The following BMP2K variants were observed in gnomAD, a reference collection of about 807,000 sequenced individuals.
The protein encoded by BMP2K is BMP-2-inducible protein kinase.
A neutral mutation model predicts 116.0 loss-of-function variants in BMP2K; 74 were observed. The ratio of observed to expected loss-of-function variants is 0.64; its 90% CI spans 0.53 to 0.77. The LOEUF is 0.77. Among genes scored for constraint, BMP2K ranks in the 30% least tolerant of loss-of-function variants. The probability of loss-of-function intolerance (pLI) is 0.00; values close to 1 mark genes in which losing one functional copy is unlikely to be tolerated. For missense variants in BMP2K, 1,365 were observed against 1,403.6 expected, an observed-to-expected ratio of 0.97 and a Z score of 0.44; for synonymous variants, 486 against 502.5, an observed-to-expected ratio of 0.97 and a Z score of 0.44.
intron 15 of BMP2K, among the ~76,000 whole-genome samples, chr4:78,889,840 C>T (rs1311524677): frequency 6.6e-6 from 1 of 152,102 alleles, no homozygotes; most frequent in Admixed American, 6.5e-5. Context: ...TTTAGTAAAC[C>T]ATATAGAGAA....
chr4:78,776,716 C>T lies in BMP2K; in HGVS notation c.173C>T (p.Ala58Val), dbSNP rs149914551. 7.9e-7 allele frequency: 1 copy of T among 1,267,250 alleles called. No individual in the cohort carries two copies. 78.5% of individuals were successfully genotyped at this position (1,267,250 alleles called of 1,614,324 possible). A position where few individuals can be genotyped will look rare whatever the true frequency, so the allele number is the denominator to read the frequency against. ...CAGGTCACCCTGGAAGAGTCGCTGG[C>T]CGAAGGTACGGGCGCCCGGGGAGGC... ...RHQVTLEESL[A>V]EGGFSTVFLV... Residue 58 changes from alanine to valine, a missense_variant, in exon 1 of 16, where the codon GCC becomes GTC. This residue lies in a region of BMP2K where 762 missense variants were observed against 756.7 expected (regional missense o/e 1.01). Coordinates refer to ENST00000502613, the MANE Select transcript of BMP2K (RefSeq NM_198892.2).
rs764996343 is a variant in BMP2K at position 78,911,505 on chromosome 4, G to A, written c.2958G>A (p.Lys986=). The change falls in exon 16 of 16, where the codon AAG becomes AAA. Residue 986 remains lysine (K), a synonymous_variant. Transcript: ENST00000502613. The part of the protein sequence containing the change: ...QKLSSRQRRT[K]QDMSKSNGKR... ...TGTCCTCTCGCCAAAGGCGCACAAA[G>A]CAGGATATGTCCAAAAGTAATGGGA... is the stretch of plus-strand genomic sequence containing the variant. 7 of 1,614,024 alleles carry A rather than the reference G, an allele frequency of 4.3e-6. No individual in the cohort carries two copies. The East Asian group carries it at 1.1e-4, about 26-fold the overall frequency.
chr4:78,876,440 T>C (rs940384315), intron 13 of BMP2K, among the ~76,000 whole-genome samples: 1 of 152,242 alleles, frequency 6.6e-6, no homozygotes, highest in African/African-American at 2.4e-5. Flanking sequence ...TATTTACTTG[T>C]AGGTAACTTA....
intron 1 of BMP2K, among the ~76,000 whole-genome samples, chr4:78,786,773 C>T (rs1379120555): frequency 6.6e-6 from 1 of 152,162 alleles, no homozygotes; most frequent in Non-Finnish European, 1.5e-5. Context: ...ATTATGCCTT[C>T]CTTTGCTCTG....
intron 6 of BMP2K, 69 bp from the exon 7 acceptor site, chr4:78,850,855 G>C: frequency 6.5e-7 from 1 of 1,535,138 alleles, no homozygotes; most frequent in Admixed American, 1.9e-5. Context: ...AAGTAACATT[G>C]AGTTTTTGGC....
At chr4:78,896,361 A>G (rs950338382) in intron 15 of BMP2K, among the ~76,000 whole-genome samples, 1 of 152,220 alleles carries the variant, frequency 6.6e-6, no homozygotes, top group Non-Finnish European at 1.5e-5. Flanking sequence ...TTTAAAAATT[A>G]TATGAGTAAA....
chr4:78,866,440 C>T (rs1306013937), intron 10 of BMP2K, among the ~76,000 whole-genome samples: 1 of 151,996 alleles, frequency 6.6e-6, no homozygotes, highest in Non-Finnish European at 1.5e-5. Flanking sequence ...TTGAGTCTCA[C>T]GAACCTGATT....
At chr4:78,847,433 A>G (rs746474156) in intron 6 of BMP2K, among the ~76,000 whole-genome samples, 164 bp downstream of exon 6, 4 of 151,788 alleles carry the variant, frequency 2.6e-5, no homozygotes, top group Non-Finnish European at 4.4e-5. Context: ...AGAACATTTT[A>G]TCTTCTCAAT....
intron 15 of BMP2K, among the ~76,000 whole-genome samples, chr4:78,908,752 T>G (rs991983445): frequency 2.0e-5 from 3 of 152,194 alleles, no homozygotes; most frequent in African/African-American, 7.2e-5. Context: ...TTTTAAAAAA[T>G]TATGCTCATT....
At chr4:78,810,974 T>C (rs1729062515) in intron 1 of BMP2K, among the ~76,000 whole-genome samples, 1 of 152,212 alleles carries the variant, frequency 6.6e-6, no homozygotes, top group Non-Finnish European at 1.5e-5. Context: ...ACTTCTGATA[T>C]TTTTATACGT....
chr4:78,792,507 C>T (rs747711091), intron 1 of BMP2K, among the ~76,000 whole-genome samples: 3 of 152,052 alleles, frequency 2.0e-5, no homozygotes, highest in Admixed American at 6.6e-5. Flanking sequence ...CCTGTCACTT[C>T]GAGGAAAACA....
At position 78,826,023 on chromosome 4, in the gene BMP2K, C is replaced by CTTTG; in HGVS notation, c.179-10_179-7dup. Reference sequence around the variant, plus strand: ...TTTGTTTCTTTTAAATTAATTGGTGCTTTGTTTTTCTAGGTGGATTCTCCA... The same window carrying CTTTG: ...TTTGTTTCTTTTAAATTAATTGGTGCTTTGTTTGTTTTTCTAGGTGGATTCTCCA... On this transcript the variant is annotated splice_polypyrimidine_tract_variant and intron_variant, in intron 1 of 15. Transcript: ENST00000502613. The CTTTG allele has an allele frequency of 6.3e-7, 1 of 1,582,350 alleles. No homozygotes were observed. Among genetic ancestry groups the CTTTG allele is most frequent in the Non-Finnish European group, 8.7e-7 (1 of 1,155,116 alleles).
At chr4:78,863,696 C>T (rs574412698) in intron 9 of BMP2K, among the ~76,000 whole-genome samples, 5 of 152,100 alleles carry the variant, frequency 3.3e-5, no homozygotes, top group East Asian at 1.9e-4. Flanking sequence ...ACAGCAGTAT[C>T]GATGCAATAA....
intron 10 of BMP2K, among the ~76,000 whole-genome samples, chr4:78,870,246 C>G (rs1732263570): frequency 6.6e-6 from 1 of 152,108 alleles, no homozygotes; most frequent in African/African-American, 2.4e-5. Context: ...GGACTCTTAA[C>G]AGATGAGTAA....
At chr4:78,850,750 T>G (rs1209600010) in intron 6 of BMP2K, 174 bp from the exon 7 acceptor site, 7 of 513,310 alleles carry the variant, frequency 1.4e-5, no homozygotes, top group Non-Finnish European at 1.9e-5. Flanking sequence ...ATGGAAATGA[T>G]ATAGTTAAAT....
intron 8 of BMP2K, chr4:78,860,184 C>T (rs1425331055): frequency 2.3e-6 from 1 of 426,808 alleles, no homozygotes; most frequent in South Asian, 1.8e-5. Flanking sequence ...CATTGGAAGT[C>T]AGAAAGGTGG....
intron 7 of BMP2K, among the ~76,000 whole-genome samples, chr4:78,851,682 T>G (rs1230594475): frequency 6.7e-6 from 1 of 149,680 alleles, no homozygotes; most frequent in African/African-American, 2.6e-5. Context: ...AGTTCAACTT[T>G]CTCAGCCGTT....
At chr4:78,859,823 T>C (rs1482117419) in intron 8 of BMP2K, 136 bp downstream of exon 8, 10 of 637,826 alleles carry the variant, frequency 1.6e-5, no homozygotes, top group Non-Finnish European at 2.4e-5. Flanking sequence ...AGTGATCTGA[T>C]TGTGTGTTTG....
At chr4:78,862,829 A>G (rs1731860135) in intron 9 of BMP2K, among the ~76,000 whole-genome samples, 1 of 152,138 alleles carries the variant, frequency 6.6e-6, no homozygotes. Flanking sequence ...GTGTAAAGTT[A>G]TATCTAACTT....
Sources: allele counts gnomAD v4.1 joint callset (sites outside exome capture counted in the v4.1 genomes callset), GRCh38; gene constraint gnomAD v4.1.1; regional missense constraint gnomAD v4.1.1; transcripts MANE v1.5; gene names NCBI Gene and HGNC (gene_info 2026-07-23, HGNC 2026-07-21).